Variants in CCL28 observed in about 807,000 individuals in gnomAD.
CCL28 encodes the protein C-C motif chemokine ligand 28, also known as C-C motif chemokine 28.
A neutral mutation model predicts 7.1 loss-of-function variants in CCL28; 4 were observed. That is an observed-to-expected ratio of 0.56 (90% CI 0.28 to 1.29). The LOEUF is 1.29. Among genes scored for constraint, CCL28 ranks in the 50% most tolerant of loss-of-function variants. The pLI, the probability that CCL28 is intolerant of heterozygous loss-of-function variation, is 0.11. For missense variants in CCL28, 151 were observed against 163.4 expected, an observed-to-expected ratio of 0.92 and a Z score of 0.41; for synonymous variants, 55 against 57.8, an observed-to-expected ratio of 0.95 and a Z score of 0.22.
downstream of CCL28, among the ~76,000 whole-genome samples, chr5:43,371,671 C>T (rs988672462): frequency 2.0e-5 from 3 of 152,226 alleles, no homozygotes; most frequent in Admixed American, 1.3e-4. Context: ...ATTCTAACTG[C>T]AACTTCATGA....
intron 1 of CCL28, among the ~76,000 whole-genome samples, chr5:43,392,831 A>G (rs1740632370): frequency 6.6e-6 from 1 of 152,184 alleles, no homozygotes. Flanking sequence ...TATTTATAAG[A>G]ACTCATAAAA....
chr5:43,385,503 A>G (rs1237572177), intron 2 of CCL28, among the ~76,000 whole-genome samples: 1 of 152,188 alleles, frequency 6.6e-6, no homozygotes, highest in African/African-American at 2.4e-5. Flanking sequence ...AAGTCTTTAT[A>G]CCCAGTCAGG....
At chr5:43,397,461 G>A (rs992732858) in intron 1 of CCL28, among the ~76,000 whole-genome samples, 1 of 150,984 alleles carries the variant, frequency 6.6e-6, no homozygotes, top group Non-Finnish European at 1.5e-5. Flanking sequence ...TTGGGGTTAT[G>A]TTTTCAGACG....
intron 1 of CCL28, among the ~76,000 whole-genome samples, chr5:43,409,569 C>T (rs963683536): frequency 1.3e-5 from 2 of 152,070 alleles, no homozygotes; most frequent in African/African-American, 4.8e-5. Context: ...TCGTGGTAAC[C>T]TTCCCTAGCC....
intron 2 of CCL28, 61 bp downstream of exon 2, chr5:43,388,289 T>A: frequency 6.3e-7 from 1 of 1,594,566 alleles, no homozygotes; most frequent in Non-Finnish European, 8.6e-7. Context: ...CAACCTATTA[T>A]TCGTTGGGCA....
intron 1 of CCL28, among the ~76,000 whole-genome samples, chr5:43,409,235 G>T (rs1017924417): frequency 6.6e-6 from 1 of 152,144 alleles, no homozygotes; most frequent in African/African-American, 2.4e-5. Context: ...AGACCAGCCT[G>T]GCCAACATGG....
At chr5:43,400,277 G>A in intron 1 of CCL28, among the ~76,000 whole-genome samples, 1 of 152,144 alleles carries the variant, frequency 6.6e-6, no homozygotes, top group Non-Finnish European at 1.5e-5. Flanking sequence ...AGTCACTAGA[G>A]GGCTGTAAAG....
chr5:43,374,820 C>A (rs149349411), downstream of CCL28, among the ~76,000 whole-genome samples: 113 of 150,880 alleles, frequency 7.5e-4, no homozygotes, highest in African/African-American at 2.7e-3. Context: ...CACAGGGATG[C>A]GTACTAATAC....
At chr5:43,377,866 G>A (rs905587022), downstream of CCL28, among the ~76,000 whole-genome samples, 2 of 147,948 alleles carry the variant, frequency 1.4e-5, no homozygotes, top group Non-Finnish European at 3.0e-5. Flanking sequence ...CCAAGTAGCT[G>A]GGACTACAGG....
chr5:43,362,488 T>C, the CCL28 span, among the ~76,000 whole-genome samples: 1 of 152,178 alleles, frequency 6.6e-6, no homozygotes, highest in African/African-American at 2.4e-5. Flanking sequence ...ATTTACCCCA[T>C]AGTTTTCAGG....
In CCL28 at chr5:43,382,054, T is replaced by C; in HGVS notation, c.192-2A>G. The C allele has an allele frequency of 6.2e-7, 1 of 1,600,360 alleles. No homozygotes were observed. Among genetic ancestry groups the C allele is most frequent in the East Asian group, 2.2e-5 (1 of 44,578 alleles). On this transcript the variant is annotated splice_acceptor_variant, in intron 2 of 2. Coordinates refer to ENST00000361115, the MANE Select transcript of CCL28 (RefSeq NM_148672.3). LOFTEE classifies it high-confidence loss of function. ...ATTCTTCTGCGCTTGACATGAAGGC[T>C]GTTAGAAAAGGAAGCAAAAGAAAGT...
At chr5:43,412,192 A>G in intron 1 of CCL28, 61 bp downstream of exon 1, 1 of 1,394,564 alleles carries the variant, frequency 7.2e-7, no homozygotes, top group Middle Eastern at 1.8e-4. Flanking sequence ...TCCTTCCAGC[A>G]CAGATTTGGG....
Position 43,382,052 on chromosome 5 carries a change from G to C in CCL28, c.192C>G (p.Ile64Met), listed in dbSNP as rs775572990. Residue 64 changes from isoleucine (I) to methionine (M), a missense_variant and splice_region_variant, in exon 3 of 3, where the codon ATC (isoleucine) becomes ATG (methionine). Ile to Met is a conservative substitution (Grantham distance 10, BLOSUM62 1). Coordinates refer to ENST00000361115, the MANE Select transcript of CCL28 (RefSeq NM_148672.3). The part of the protein sequence containing the change: ...ADGDCDLAAV[I>M]LHVKRRRICV... ...AGATTCTTCTGCGCTTGACATGAAG[G>C]CTGTTAGAAAAGGAAGCAAAAGAAA... 11 of 1,601,490 alleles carry C rather than the reference G, an allele frequency of 6.9e-6. No homozygotes were observed. The highest frequency in any genetic ancestry group is 9.4e-6 in the Non-Finnish European group (11 of 1,173,484).
At chr5:43,395,563 C>T (rs1310585122) in intron 1 of CCL28, among the ~76,000 whole-genome samples, 16 of 152,020 alleles carry the variant, frequency 1.1e-4, no homozygotes, top group Admixed American at 6.6e-4. Context: ...ACTTGGGAGG[C>T]TAAGGCAGGG....
the CCL28 span, among the ~76,000 whole-genome samples, chr5:43,360,563 C>T: frequency 2.6e-5 from 4 of 152,098 alleles, no homozygotes; most frequent in African/African-American, 4.8e-5. Context: ...AGGATAATGG[C>T]CTCCAGCTTC....
At chr5:43,366,434 G>A in the CCL28 span, among the ~76,000 whole-genome samples, 8,614 of 152,240 alleles carry the variant, frequency 0.057, 528 homozygotes, top group African/African-American at 0.16. Context: ...TCTTCTGTAG[G>A]TCTGCTGGAG....
the CCL28 span, among the ~76,000 whole-genome samples, chr5:43,359,664 T>G: frequency 3.9e-5 from 6 of 152,212 alleles, no homozygotes; most frequent in Non-Finnish European, 8.8e-5. Flanking sequence ...TTCCCCTAGA[T>G]TGTTTTTCTA....
the CCL28 span, among the ~76,000 whole-genome samples, chr5:43,364,604 T>C: frequency 2.0e-5 from 3 of 151,098 alleles, no homozygotes; most frequent in Non-Finnish European, 4.4e-5. Context: ...TTATTTCAGT[T>C]CTAAAAAAAA....
At chr5:43,365,004 C>CTTTTTTT in the CCL28 span, among the ~76,000 whole-genome samples, 2 of 112,764 alleles carry the variant, frequency 1.8e-5, no homozygotes, top group Non-Finnish European at 3.5e-5. Context: ...GGTCTTGACT[C>CTTTTTTT]TTTTTTTTTT....
Sources: allele counts gnomAD v4.1 joint callset (sites outside exome capture counted in the v4.1 genomes callset), GRCh38; gene constraint gnomAD v4.1.1; transcripts MANE v1.5; gene names NCBI Gene and HGNC (gene_info 2026-07-23, HGNC 2026-07-21).